The following SLC25A48 variants were observed in gnomAD, a reference collection of about 807,000 sequenced individuals.
The protein encoded by SLC25A48 is solute carrier family 25 member 48.
In SLC25A48, 29 loss-of-function variants were observed where a neutral mutation model predicts 32.2. The ratio of observed to expected loss-of-function variants is 0.90; its 90% CI spans 0.67 to 1.23. The LOEUF (loss-of-function observed/expected upper bound fraction) is 1.23. SLC25A48 is among the 50% of genes most tolerant of loss of function. SLC25A48 has a pLI of 0.00. For missense variants in SLC25A48, 399 were observed against 422.7 expected (o/e 0.94, Z 0.49); for synonymous variants, 164 against 172.3 (o/e 0.95, Z 0.38).
chr5:135,762,004 C>G (rs1756072835), intron 3 of SLC25A48, among the ~76,000 whole-genome samples: 1 of 152,222 alleles, frequency 6.6e-6, no homozygotes. Context: ...TGAAACCCAT[C>G]TGTCTGCCGA....
intron 3 of SLC25A48, among the ~76,000 whole-genome samples, chr5:135,681,807 G>A (rs1415209991): frequency 6.6e-6 from 1 of 151,370 alleles, no homozygotes; most frequent in Non-Finnish European, 1.5e-5. Context: ...GTTTTTTTTC[G>A]TTAATGAGGC....
At chr5:135,580,338 A>T (rs930190602) in intron 1 of SLC25A48, among the ~76,000 whole-genome samples, 2 of 152,178 alleles carry the variant, frequency 1.3e-5, no homozygotes, top group East Asian at 3.9e-4. Flanking sequence ...GAGGTGGATC[A>T]TCTCAAGCTC....
At chr5:135,874,816 G>T in intron 6 of SLC25A48, 1 of 576,598 alleles carries the variant, frequency 1.7e-6, no homozygotes, top group South Asian at 2.1e-5. Flanking sequence ...GTAATACACA[G>T]ATTCATCACC....
At chr5:135,653,573 C>T (rs185569023) in intron 3 of SLC25A48, among the ~76,000 whole-genome samples, 1 of 152,302 alleles carries the variant, frequency 6.6e-6, no homozygotes, top group Non-Finnish European at 1.5e-5. Context: ...TCAATTATAA[C>T]CTCAAGACAG....
chr5:135,703,457 G>A (rs1754438574), intron 3 of SLC25A48, among the ~76,000 whole-genome samples: 1 of 152,172 alleles, frequency 6.6e-6, no homozygotes, highest in African/African-American at 2.4e-5. Flanking sequence ...TCTGCAAGGA[G>A]CTGTTTCCGC....
At chr5:135,809,149 G>A (rs77967937) in intron 3 of SLC25A48, among the ~76,000 whole-genome samples, 1 of 151,422 alleles carries the variant, frequency 6.6e-6, no homozygotes, top group Admixed American at 6.6e-5. Flanking sequence ...AAAAAAAAAA[G>A]ATAGCCAGGC....
intron 1 of SLC25A48, among the ~76,000 whole-genome samples, chr5:135,610,073 G>T (rs574658670): frequency 2.8e-4 from 42 of 152,320 alleles, no homozygotes; most frequent in Non-Finnish European, 5.0e-4. Flanking sequence ...ACATGGGTGT[G>T]TGTGGAATTT....
intron 1 of SLC25A48, among the ~76,000 whole-genome samples, chr5:135,615,281 A>T (rs1039323886): frequency 6.6e-6 from 1 of 152,230 alleles, no homozygotes; most frequent in African/African-American, 2.4e-5. Context: ...GACTTGTTAA[A>T]TGGTTGTGAA....
At chr5:135,867,229 T>C (rs1362524288) in intron 4 of SLC25A48, among the ~76,000 whole-genome samples, 2 of 152,210 alleles carry the variant, frequency 1.3e-5, no homozygotes, top group Non-Finnish European at 2.9e-5. Context: ...CCCTGAAGGT[T>C]CAGAAACAAT....
chr5:135,649,547 T>C (rs575539370), intron 3 of SLC25A48: 1 of 152,424 alleles, frequency 6.6e-6, no homozygotes, highest in African/African-American at 2.4e-5. Context: ...GTGACTCAGA[T>C]GGGGTAGTCA....
At chr5:135,696,329 A>C (rs1455933059) in intron 3 of SLC25A48, among the ~76,000 whole-genome samples, 6 of 152,186 alleles carry the variant, frequency 3.9e-5, no homozygotes, top group Non-Finnish European at 1.5e-5. Context: ...CTTTAATGCA[A>C]AACTTGATAG....
chr5:135,758,046 ATC>A (rs1450048186), intron 3 of SLC25A48, among the ~76,000 whole-genome samples: 1 of 150,668 alleles, frequency 6.6e-6, no homozygotes, highest in African/African-American at 2.4e-5. Flanking sequence ...ATAGAATATC[ATC>A]TCTATGATAT....
intron 1 of SLC25A48, among the ~76,000 whole-genome samples, chr5:135,603,386 A>T (rs539713903): frequency 6.6e-6 from 1 of 152,376 alleles, no homozygotes; most frequent in Admixed American, 6.5e-5. Context: ...CAGGCAGATG[A>T]TTAGCCTAAT....
chr5:135,672,676 G>A (rs148555724), intron 3 of SLC25A48, among the ~76,000 whole-genome samples: 199 of 152,180 alleles, frequency 1.3e-3, no homozygotes, highest in African/African-American at 4.5e-3. Flanking sequence ...TGTTTTTTTC[G>A]TAGTTTTTGC....
chr5:135,741,130 C>T (rs910639008), intron 3 of SLC25A48, among the ~76,000 whole-genome samples: 1 of 152,152 alleles, frequency 6.6e-6, no homozygotes, highest in Non-Finnish European at 1.5e-5. Context: ...GATGAGAAAA[C>T]GGAGGCAGAG....
intron 1 of SLC25A48, among the ~76,000 whole-genome samples, chr5:135,841,766 GC>G (rs1159872938): frequency 3.9e-5 from 6 of 152,066 alleles, no homozygotes; most frequent in Non-Finnish European, 8.8e-5. Flanking sequence ...TGAATTCAGG[GC>G]CACTGCAGCC....
chr5:135,844,406 A>G (rs1759249708), intron 2 of SLC25A48, among the ~76,000 whole-genome samples: 1 of 152,210 alleles, frequency 6.6e-6, no homozygotes, highest in Non-Finnish European at 1.5e-5. Flanking sequence ...CACCTAAGTC[A>G]TTCCCAGTCT....
chr5:135,609,437 A>G, intron 1 of SLC25A48: 1 of 152,260 alleles, frequency 6.6e-6, no homozygotes, highest in East Asian at 1.9e-4. Flanking sequence ...CCCACTTTAA[A>G]TAGTATGAAG....
intron 1 of SLC25A48, among the ~76,000 whole-genome samples, chr5:135,608,479 C>A (rs960862094): frequency 6.6e-6 from 1 of 152,188 alleles, no homozygotes; most frequent in Admixed American, 6.5e-5. Context: ...GTTAACCTAG[C>A]GTGTCTCCAG....
Sources: allele counts gnomAD v4.1 joint callset (sites outside exome capture counted in the v4.1 genomes callset), GRCh38; gene constraint gnomAD v4.1.1; transcripts MANE v1.5; gene names NCBI Gene and HGNC (gene_info 2026-07-23, HGNC 2026-07-21).